The following ADARB2 variants were observed in gnomAD, a reference collection of about 807,000 sequenced individuals.
ADARB2 encodes adenosine deaminase RNA specific B2 (inactive).
ADARB2 carries 25 observed loss-of-function variants against 62.2 expected under a neutral mutation model. That is an observed-to-expected ratio of 0.40 (90% CI 0.29 to 0.56). The LOEUF (loss-of-function observed/expected upper bound fraction) is 0.56. Among genes scored for constraint, ADARB2 ranks in the 20% least tolerant of loss-of-function variants. The pLI is 0.43. For synonymous variants in ADARB2, 572 were observed against 500.8 expected (o/e 1.14, Z -1.90); for missense variants, 1,071 against 1,077.4 (o/e 0.99, Z 0.08).
chr10:1,211,844 G>T (rs1286599273), intron 7 of ADARB2, among the ~76,000 whole-genome samples: 1 of 152,204 alleles, frequency 6.6e-6, no homozygotes, highest in Non-Finnish European at 1.5e-5. Context: ...ATAATTTGGA[G>T]TGGTGAGTTT....
intron 8 of ADARB2, chr10:1,187,772 G>C (rs1836780488): frequency 2.7e-6 from 1 of 366,964 alleles, no homozygotes; most frequent in African/African-American, 2.1e-5. Flanking sequence ...GAAGGAAGGA[G>C]CTGGTGGGGC....
chr10:1,300,568 C>T (rs544396765), intron 3 of ADARB2, among the ~76,000 whole-genome samples: 2 of 152,204 alleles, frequency 1.3e-5, no homozygotes, highest in African/African-American at 2.4e-5. Flanking sequence ...TTTGTTCATT[C>T]GTTCAATGAA....
At chr10:1,228,783 G>A (rs1273847772) in intron 6 of ADARB2, among the ~76,000 whole-genome samples, 4 of 152,164 alleles carry the variant, frequency 2.6e-5, no homozygotes, top group African/African-American at 4.8e-5. Flanking sequence ...GCCACAGAGC[G>A]GGGAGTCCAG....
At chr10:1,298,313 TTA>T (rs992761942) in intron 3 of ADARB2, among the ~76,000 whole-genome samples, 2 of 152,196 alleles carry the variant, frequency 1.3e-5, no homozygotes, top group African/African-American at 4.8e-5. Context: ...GGCTATGTTT[TTA>T]TGTTTTTTTG....
At chr10:1,312,301 C>G (rs1050527806) in intron 3 of ADARB2, among the ~76,000 whole-genome samples, 42 of 152,150 alleles carry the variant, frequency 2.8e-4, no homozygotes, top group Admixed American at 1.1e-3. Flanking sequence ...GAAAGGGCAA[C>G]AGCCATACCT....
At chr10:1,597,195 C>G in intron 1 of ADARB2, among the ~76,000 whole-genome samples, 1 of 152,142 alleles carries the variant, frequency 6.6e-6, no homozygotes, top group East Asian at 1.9e-4. Flanking sequence ...TAAAGCCTTT[C>G]AAGTGAAGCC....
intron 1 of ADARB2, among the ~76,000 whole-genome samples, chr10:1,668,201 C>T (rs934415385): frequency 6.6e-6 from 1 of 152,220 alleles, no homozygotes; most frequent in Non-Finnish European, 1.5e-5. Flanking sequence ...TGGGTTCAGT[C>T]TCTCTCTCCG....
chr10:1,272,164 C>T (rs1267483574), intron 3 of ADARB2, among the ~76,000 whole-genome samples: 1 of 152,188 alleles, frequency 6.6e-6, no homozygotes, highest in East Asian at 1.9e-4. Context: ...GCAGCCAAAT[C>T]AATTCATCAT....
intron 1 of ADARB2, among the ~76,000 whole-genome samples, chr10:1,440,422 CT>C (rs113675218): frequency 0.12 from 16,786 of 143,920 alleles, 1,039 homozygotes; most frequent in East Asian, 0.2. Flanking sequence ...CTACAAACGC[CT>C]TTTTTTTTTT....
chr10:1,216,817 G>A (rs1261331055), intron 7 of ADARB2, 134 bp downstream of exon 7: 3 of 1,182,744 alleles, frequency 2.5e-6, no homozygotes, highest in Non-Finnish European at 2.4e-6. Flanking sequence ...GGAGTTCCAC[G>A]GCTCAGGCAC....
In ADARB2 at chr10:1,259,704, C is replaced by T. The variant is rs535707588; in HGVS notation, c.1192+11251G>A. 3.9e-5 allele frequency among the ~76,000 whole-genome samples: 6 copies of T among 152,216 alleles called. No individual in the cohort carries two copies. The South Asian group carries it at 6.2e-4, about 16-fold the overall frequency. ...GTCCAGGACCAGATGGATTCACAGC[C>T]GAATTCTACCAGAGGTACAAGGAGG... On this transcript the variant is annotated intron_variant, in intron 4 of 9. Transcript: ENST00000381312.
intron 1 of ADARB2, among the ~76,000 whole-genome samples, chr10:1,500,854 C>G (rs1831760000): frequency 6.6e-6 from 1 of 152,182 alleles, no homozygotes; most frequent in Admixed American, 6.5e-5. Context: ...GTCATATTCT[C>G]TAGTGCACCT....
intron 1 of ADARB2, among the ~76,000 whole-genome samples, chr10:1,605,852 C>T (rs1220729586): frequency 1.3e-5 from 2 of 152,092 alleles, no homozygotes; most frequent in East Asian, 3.9e-4. Context: ...ACTAGCAGCC[C>T]ATTATCTGGC....
chr10:1,506,853 GC>G (rs965765421), intron 1 of ADARB2, among the ~76,000 whole-genome samples: 2 of 152,218 alleles, frequency 1.3e-5, no homozygotes, highest in African/African-American at 2.4e-5. Context: ...TGGGATCAGT[GC>G]CCTTCTAAGG....
chr10:1,500,900 A>G (rs1254601984), intron 1 of ADARB2, among the ~76,000 whole-genome samples: 1 of 152,188 alleles, frequency 6.6e-6, no homozygotes, highest in Non-Finnish European at 1.5e-5. Flanking sequence ...TTTGAGAAAG[A>G]GTCTTGCTCT....
chr10:1,424,499 C>T (rs535429744), intron 1 of ADARB2, among the ~76,000 whole-genome samples: 119 of 152,160 alleles, frequency 7.8e-4, no homozygotes, highest in African/African-American at 2.6e-3. Context: ...AAATGACTTC[C>T]GTTTACCACC....
intron 1 of ADARB2, among the ~76,000 whole-genome samples, chr10:1,405,874 C>G (rs1832703492): frequency 6.6e-6 from 1 of 151,644 alleles, no homozygotes; most frequent in Admixed American, 6.6e-5. Flanking sequence ...TTTATGAAAC[C>G]CTTCGCCATG....
rs1237975122 is a variant in ADARB2, at chr10:1,182,688, A to G, written c.*505T>C. The stretch of plus-strand genomic sequence containing the variant: ...GTGGAGTATAAAAACCTAAATGAAT[A>G]GTGAAAATAATAGAGGATTCTTATT... On this transcript the variant is annotated 3_prime_UTR_variant, in exon 10 of 10. Transcript: ENST00000381312. 2.0e-5 allele frequency: 3 copies of G among 153,354 alleles called. No individual in the cohort carries two copies. The highest frequency in any genetic ancestry group is 4.4e-5 in the Non-Finnish European group (3 of 68,816). 9.5% of individuals were successfully genotyped at this position (153,354 alleles called of 1,614,324 possible). A position where few individuals can be genotyped will look rare whatever the true frequency, so the allele number is the denominator to read the frequency against.
intron 1 of ADARB2, among the ~76,000 whole-genome samples, chr10:1,591,772 C>A (rs534148776): frequency 6.6e-5 from 10 of 152,326 alleles, no homozygotes; most frequent in Admixed American, 1.3e-4. Context: ...CCACTTATGC[C>A]TCCCATGGAA....
Sources: gnomAD v4.1 joint callset for allele counts (sites outside exome capture counted in the v4.1 genomes callset) on GRCh38, gnomAD v4.1.1 for gene constraint, MANE v1.5 for transcripts, NCBI Gene and HGNC (gene_info 2026-07-23, HGNC 2026-07-21) for gene names.